Variants in PDE8B observed in about 807,000 individuals in gnomAD.
PDE8B encodes high affinity cAMP-specific and IBMX-insensitive 3',5'-cyclic phosphodiesterase 8B.
A neutral mutation model predicts 101.3 loss-of-function variants in PDE8B; 26 were observed. The ratio of observed to expected loss-of-function variants is 0.26; its 90% CI spans 0.19 to 0.36. PDE8B has a LOEUF of 0.36. Among genes scored for constraint, PDE8B ranks in the 10% least tolerant of loss-of-function variants. The probability of loss-of-function intolerance (pLI) is 1.00; values close to 1 mark genes in which losing one functional copy is unlikely to be tolerated. For missense variants in PDE8B, 810 were observed against 1,163.1 expected, an observed-to-expected ratio of 0.70 and a Z score of 4.42; for synonymous variants, 424 against 429.3, an observed-to-expected ratio of 0.99 and a Z score of 0.15.
chr5:77,163,844 AT>A, the PDE8B span, among the ~76,000 whole-genome samples: 6 of 152,312 alleles, frequency 3.9e-5, no homozygotes, highest in Non-Finnish European at 8.8e-5. Flanking sequence ...AGAACTCCAT[AT>A]TCTTTACAAG....
intron 10 of PDE8B, among the ~76,000 whole-genome samples, chr5:77,372,429 G>A (rs1435223752): frequency 6.6e-6 from 1 of 152,040 alleles, no homozygotes; most frequent in Non-Finnish European, 1.5e-5. Flanking sequence ...GGATTGTGCT[G>A]GCCTATTAAA....
At chr5:77,375,889 C>CTTTTTTTTTTTTTTTTTTTTTTTTTTTTT (rs70988668) in intron 10 of PDE8B, among the ~76,000 whole-genome samples, 1 of 108,316 alleles carries the variant, frequency 9.2e-6, no homozygotes, top group Non-Finnish European at 1.8e-5. Flanking sequence ...GCCTTGATTT[C>CTTTTTTTTTTTTTTTTTTTTTTTTTTTTT]TTTTTTTTTT....
intron 14 of PDE8B, 55 bp from the exon 15 acceptor site, chr5:77,411,621 A>T: frequency 7.2e-7 from 1 of 1,390,264 alleles, no homozygotes. Context: ...AAAAAAAAAA[A>T]GAGAATGATA....
chr5:77,235,808 C>T (rs932051571), intron 1 of PDE8B, among the ~76,000 whole-genome samples: 2 of 141,070 alleles, frequency 1.4e-5, no homozygotes, highest in African/African-American at 5.6e-5. Flanking sequence ...CACTGAGTTA[C>T]AGCAGAAAAA....
intron 20 of PDE8B, among the ~76,000 whole-genome samples, chr5:77,424,031 G>T (rs1797345407): frequency 6.6e-6 from 1 of 152,028 alleles, no homozygotes; most frequent in South Asian, 2.1e-4. Flanking sequence ...GCAGCTTTCT[G>T]GGAAGAGAGC....
intron 10 of PDE8B, among the ~76,000 whole-genome samples, chr5:77,367,468 A>C (rs1223353051): frequency 6.6e-6 from 1 of 150,536 alleles, no homozygotes. Flanking sequence ...CCTGGTGATG[A>C]CCTTGACCTT....
At chr5:77,167,539 G>A in the PDE8B span, among the ~76,000 whole-genome samples, 3 of 152,174 alleles carry the variant, frequency 2.0e-5, no homozygotes, top group African/African-American at 4.8e-5. Flanking sequence ...AGGGCACGTC[G>A]ATGCGGAGGG....
At chr5:77,180,512 G>T in the PDE8B span, 6 of 984,198 alleles carry the variant, frequency 6.1e-6, no homozygotes, top group Non-Finnish European at 7.2e-6. Context: ...GGGGGACCGC[G>T]CAGCCCTCGG....
chr5:77,210,019 A>G (rs1342103458), upstream of PDE8B, among the ~76,000 whole-genome samples: 1 of 152,052 alleles, frequency 6.6e-6, no homozygotes. The surrounding 1 kb of genome is among the most constrained non-coding windows in gnomAD (Gnocchi z 4.9). Flanking sequence ...AGAGGACGGA[A>G]CCATGAGGTC....
the PDE8B span, among the ~76,000 whole-genome samples, chr5:77,197,579 C>T: frequency 6.6e-6 from 1 of 151,720 alleles, no homozygotes; most frequent in African/African-American, 2.4e-5. Context: ...TGGATTTGGA[C>T]CCATTTTCTG....
At chr5:77,209,832 T>C (rs749809723), upstream of PDE8B, among the ~76,000 whole-genome samples, 4 of 152,352 alleles carry the variant, frequency 2.6e-5, no homozygotes, top group African/African-American at 9.6e-5. Flanking sequence ...AGACAGCTTC[T>C]TTCTGTTCTT....
At chr5:77,271,363 C>T (rs1762761915) in intron 1 of PDE8B, among the ~76,000 whole-genome samples, 2 of 152,158 alleles carry the variant, frequency 1.3e-5, no homozygotes, top group Admixed American at 1.3e-4. Context: ...AAGGCTGTGG[C>T]TGGTACGTGA....
chr5:77,196,053 C>A, the PDE8B span, among the ~76,000 whole-genome samples: 2 of 152,134 alleles, frequency 1.3e-5, no homozygotes, highest in African/African-American at 4.8e-5. Flanking sequence ...TGCTCTTTGG[C>A]CACTTGTATA....
At chr5:77,249,414 A>T (rs970804926) in intron 1 of PDE8B, among the ~76,000 whole-genome samples, 2 of 152,218 alleles carry the variant, frequency 1.3e-5, no homozygotes, top group Non-Finnish European at 2.9e-5. Flanking sequence ...GGCAAAGCTG[A>T]ATTCTAGCCT....
the PDE8B span, among the ~76,000 whole-genome samples, chr5:77,163,906 C>A: frequency 2.0e-5 from 3 of 152,190 alleles, no homozygotes; most frequent in African/African-American, 4.8e-5. Context: ...TTAAACGTGG[C>A]CTTGTGACCC....
the PDE8B span, among the ~76,000 whole-genome samples, chr5:77,121,826 A>T: frequency 7.2e-5 from 11 of 152,272 alleles, no homozygotes; most frequent in Admixed American, 3.9e-4. Context: ...TTTTGAAGGA[A>T]GGAACATCAA....
intron 1 of PDE8B, among the ~76,000 whole-genome samples, chr5:77,252,942 A>G (rs1426638453): frequency 6.6e-6 from 1 of 152,200 alleles, no homozygotes; most frequent in African/African-American, 2.4e-5. Context: ...CTCTGCAATT[A>G]TGACATCACA....
At chr5:77,392,262 G>A (rs571134295) in intron 10 of PDE8B, among the ~76,000 whole-genome samples, 45 of 152,258 alleles carry the variant, frequency 3.0e-4, no homozygotes, top group African/African-American at 9.9e-4. Context: ...GTTCTGCAGC[G>A]GACAGGCCTA....
chr5:77,161,703 C>G, the PDE8B span, among the ~76,000 whole-genome samples: 90 of 152,200 alleles, frequency 5.9e-4, 1 homozygote, highest in Middle Eastern at 0.017. Flanking sequence ...CTGGCAAACT[C>G]TTAAAAGAAA....
Sources: gnomAD v4.1 joint callset for allele counts (sites outside exome capture counted in the v4.1 genomes callset) on GRCh38, gnomAD v4.1.1 for gene constraint, Gnocchi (gnomAD v3.1) non-coding constraint, MANE v1.5 for transcripts, NCBI Gene and HGNC (gene_info 2026-07-23, HGNC 2026-07-21) for gene names.